Variants in PLPPR1 observed in about 807,000 individuals in gnomAD.
The protein encoded by PLPPR1 is phospholipid phosphatase related 1.
PLPPR1 carries 10 observed loss-of-function variants against 33.1 expected under a neutral mutation model. The ratio of observed to expected loss-of-function variants is 0.30; its 90% CI spans 0.19 to 0.51. The LOEUF is 0.51. PLPPR1 is among the 20% of genes least tolerant of loss of function. PLPPR1 has a pLI of 0.97. For missense variants in PLPPR1, 304 were observed against 408.1 expected (o/e 0.74, Z 2.20); for synonymous variants, 151 against 151.0 (o/e 1.00, Z 0.00).
intron 7 of PLPPR1, among the ~76,000 whole-genome samples, chr9:101,318,259 C>T (rs1221098919): frequency 6.6e-6 from 1 of 151,818 alleles, no homozygotes; most frequent in Non-Finnish European, 1.5e-5. Flanking sequence ...GCACAAAGTG[C>T]TGTATGAATA....
intron 4 of PLPPR1, among the ~76,000 whole-genome samples, chr9:101,296,831 G>A (rs1260393199): frequency 6.6e-6 from 1 of 151,828 alleles, no homozygotes; most frequent in Non-Finnish European, 1.5e-5. Context: ...AGCATTAGGA[G>A]ATATACCTAA....
intron 2 of PLPPR1, among the ~76,000 whole-genome samples, chr9:101,236,311 ATAT>A (rs1827297551): frequency 6.6e-6 from 1 of 151,774 alleles, no homozygotes; most frequent in African/African-American, 2.4e-5. Context: ...TCTGGCTGTT[ATAT>A]TAACTTTTGC....
At chr9:101,263,758 C>A (rs1227039364) in intron 2 of PLPPR1, among the ~76,000 whole-genome samples, 2 of 152,142 alleles carry the variant, frequency 1.3e-5, no homozygotes, top group East Asian at 3.8e-4. Context: ...CCTGTTTCCT[C>A]AAATGTAAAA....
intron 3 of PLPPR1, among the ~76,000 whole-genome samples, chr9:101,282,344 T>G (rs1167282573): frequency 6.6e-6 from 1 of 152,158 alleles, no homozygotes; most frequent in Non-Finnish European, 1.5e-5. Context: ...AAAAAATGAT[T>G]TGACAAAATT....
At chr9:101,045,665 G>C (rs1001500842) in intron 1 of PLPPR1, among the ~76,000 whole-genome samples, 1 of 152,234 alleles carries the variant, frequency 6.6e-6, no homozygotes, top group Non-Finnish European at 1.5e-5. Context: ...TGTTTGAAGA[G>C]TTTTTAATAT....
At position 101,231,281 on chromosome 9, in the gene PLPPR1, A is replaced by T. The variant is rs534886694; in HGVS notation, c.64-38599A>T. On this transcript the variant is annotated intron_variant, in intron 2 of 7. Transcript: ENST00000374874. ...GAAACAGAAAATGGTGCCCCAATTA[A>T]AAAAAAAACAAAAAAACTTGTAAGA... Among the ~76,000 whole-genome samples the T allele has an allele frequency of 6.7e-3, 265 of 39,542 alleles. 1 individual carries two copies. In the African/African-American group the frequency reaches 0.091, roughly 14 times the overall value. The allele number at this position is 39,542 out of a possible 152,430, so 25.9% of individuals were successfully genotyped here. A position where few individuals can be genotyped will look rare whatever the true frequency, so the allele number is the denominator to read the frequency against.
chr9:101,215,845 A>T (rs184098322), intron 2 of PLPPR1, among the ~76,000 whole-genome samples: 44 of 152,232 alleles, frequency 2.9e-4, no homozygotes, highest in African/African-American at 1.1e-3. Flanking sequence ...GCTAAATAAT[A>T]TACCATTGTG....
At chr9:101,280,659 A>C (rs1828281893) in intron 3 of PLPPR1, among the ~76,000 whole-genome samples, 1 of 152,090 alleles carries the variant, frequency 6.6e-6, no homozygotes, top group Non-Finnish European at 1.5e-5. Context: ...ATCATATCAG[A>C]ATGAAGAAAA....
intron 1 of PLPPR1, among the ~76,000 whole-genome samples, chr9:101,031,613 A>G (rs1829946896): frequency 6.6e-6 from 1 of 152,262 alleles, no homozygotes; most frequent in African/African-American, 2.4e-5. Flanking sequence ...CCAATCATCA[A>G]GGTAACAGGT....
chr9:101,224,570 G>T (rs1019368721), intron 2 of PLPPR1, among the ~76,000 whole-genome samples: 1 of 152,082 alleles, frequency 6.6e-6, no homozygotes. Flanking sequence ...CTAGGGTTGG[G>T]GTTTATAGAC....
chr9:101,274,910 T>C (rs188518536), intron 3 of PLPPR1, among the ~76,000 whole-genome samples: 1 of 152,328 alleles, frequency 6.6e-6, no homozygotes, highest in Admixed American at 6.5e-5. Flanking sequence ...TTAGGCTAAA[T>C]GATCTCTAAG....
At chr9:101,197,735 G>A (rs1242400660) in intron 2 of PLPPR1, among the ~76,000 whole-genome samples, 4 of 152,124 alleles carry the variant, frequency 2.6e-5, no homozygotes, top group African/African-American at 4.8e-5. Flanking sequence ...TTTATCAGAA[G>A]AAATAAAATA....
chr9:101,115,438 A>G (rs1277139826), intron 1 of PLPPR1, among the ~76,000 whole-genome samples: 1 of 152,252 alleles, frequency 6.6e-6, no homozygotes, highest in East Asian at 1.9e-4. Context: ...GATGAACACA[A>G]CAGATGTAGT....
At chr9:101,034,500 T>C (rs1829986178) in intron 1 of PLPPR1, among the ~76,000 whole-genome samples, 1 of 152,170 alleles carries the variant, frequency 6.6e-6, no homozygotes, top group Middle Eastern at 3.2e-3. Context: ...GTTAGGCTGT[T>C]AACCTGAATT....
intron 1 of PLPPR1, among the ~76,000 whole-genome samples, chr9:101,073,648 G>C (rs1047100496): frequency 6.6e-6 from 1 of 152,120 alleles, no homozygotes; most frequent in African/African-American, 2.4e-5. Flanking sequence ...TTGTCTTTTC[G>C]TATGGGCTTT....
chr9:101,147,418 A>G (rs1043348879), intron 1 of PLPPR1, among the ~76,000 whole-genome samples: 3 of 152,204 alleles, frequency 2.0e-5, no homozygotes, highest in African/African-American at 7.2e-5. Context: ...GAATTTTCAT[A>G]CTAACTGCCT....
chr9:101,060,579 T>A (rs80194675), intron 1 of PLPPR1, among the ~76,000 whole-genome samples: 4 of 152,074 alleles, frequency 2.6e-5, no homozygotes, highest in African/African-American at 9.6e-5. Flanking sequence ...TACATGAATA[T>A]GTATAACTTT....
At chr9:101,128,450 C>G (rs7853968) in intron 1 of PLPPR1, among the ~76,000 whole-genome samples, 6,600 of 152,178 alleles carry the variant, frequency 0.043, 320 homozygotes, top group East Asian at 0.28. Flanking sequence ...CATATTTGAA[C>G]CAATCTATGG....
chr9:101,055,818 C>T (rs1295654988), intron 1 of PLPPR1, among the ~76,000 whole-genome samples: 1 of 152,090 alleles, frequency 6.6e-6, no homozygotes, highest in East Asian at 1.9e-4. Context: ...AGTGAATAGC[C>T]GTAGATGTTT....
Sources: allele counts gnomAD v4.1 joint callset (sites outside exome capture counted in the v4.1 genomes callset), GRCh38; gene constraint gnomAD v4.1.1; transcripts MANE v1.5; gene names NCBI Gene and HGNC (gene_info 2026-07-23, HGNC 2026-07-21).